Variants in NRXN1 observed in about 807,000 individuals in gnomAD.
NRXN1 encodes the protein neurexin 1.
Under a neutral mutation model 150.9 loss-of-function variants are expected in NRXN1, and 39 were observed. That is an observed-to-expected ratio of 0.26 (90% CI 0.20 to 0.34). The LOEUF (loss-of-function observed/expected upper bound fraction) is 0.34. Ranked by LOEUF, NRXN1 falls within the 10% of genes least tolerant of loss-of-function variation. The probability of loss-of-function intolerance (pLI) is 1.00; values close to 1 mark genes in which losing one functional copy is unlikely to be tolerated. For synonymous variants in NRXN1, 924 were observed against 757.0 expected (o/e 1.22, Z -3.62); for missense variants, 1,815 against 1,949.9 (o/e 0.93, Z 1.30).
intron 2 of NRXN1, among the ~76,000 whole-genome samples, chr2:50,945,537 T>C (rs1690217196): frequency 7.1e-6 from 1 of 140,548 alleles, no homozygotes; most frequent in Non-Finnish European, 1.5e-5. Context: ...TATATATATA[T>C]GGCTATGTTG....
chr2:49,951,947 T>TCCCAACAA, intron 21 of NRXN1, among the ~76,000 whole-genome samples: 1 of 152,134 alleles, frequency 6.6e-6, no homozygotes, highest in Admixed American at 6.6e-5. Flanking sequence ...CTTTCATTGT[T>TCCCAACAA]GCCATGTTAG....
intron 18 of NRXN1, among the ~76,000 whole-genome samples, chr2:50,198,915 T>A (rs1359713445): frequency 2.0e-5 from 3 of 152,114 alleles, no homozygotes; most frequent in Non-Finnish European, 4.4e-5. Context: ...GGCCTAATTT[T>A]GTCCCCAGAG....
At chr2:50,865,580 A>ATGTGTG (rs112867077) in intron 5 of NRXN1, among the ~76,000 whole-genome samples, 4,197 of 130,712 alleles carry the variant, frequency 0.032, 87 homozygotes, top group Admixed American at 0.05. Flanking sequence ...AAATATATAA[A>ATGTGTG]TGTGTGTGTG....
Position 50,294,382 on chromosome 2 carries a change from G to C in NRXN1, c.3365-57412C>G, listed in dbSNP as rs570480591. ...AGTATCTGAAAACAGTAACAACAGA[G>C]ACATTTATAGATTTATGATACTTTG... is the stretch of plus-strand genomic sequence containing the variant. On this transcript the variant is annotated intron_variant, in intron 17 of 22. Coordinates refer to ENST00000401669, the MANE Select transcript of NRXN1 (RefSeq NM_001330078.2). 4.2e-4 allele frequency among the ~76,000 whole-genome samples: 64 copies of C among 152,114 alleles called. No homozygotes were observed. In the South Asian group the frequency reaches 6.4e-3, roughly 15 times the overall value.
intron 21 of NRXN1, among the ~76,000 whole-genome samples, chr2:49,978,138 G>T (rs957211670): frequency 1.2e-4 from 18 of 152,134 alleles, no homozygotes; most frequent in African/African-American, 4.1e-4. Context: ...CTCCAGCCTG[G>T]TGACAGAGCG....
At chr2:50,886,900 C>T (rs916680115) in intron 5 of NRXN1, among the ~76,000 whole-genome samples, 4 of 151,278 alleles carry the variant, frequency 2.6e-5, no homozygotes, top group Non-Finnish European at 5.9e-5. Flanking sequence ...AATTCATAAA[C>T]GTGTTTCTCA....
rs182668235 is a variant in NRXN1, at chr2:50,061,649, C to A, written c.3719-6605G>T. On this transcript the variant is annotated intron_variant, in intron 19 of 22. Transcript: ENST00000401669. The stretch of plus-strand genomic sequence containing the variant: ...CTAAAAGCATAAAACTCTACTATAG[C>A]AACATGCTGAGCAAATAGGCTTGAT... Among the ~76,000 whole-genome samples, 220 of 152,302 alleles carry A rather than the reference C, an allele frequency of 1.4e-3. 3 individuals carry two copies. Among genetic ancestry groups the A allele is most frequent in the Admixed American group, 2.9e-3 (45 of 15,298 alleles).
chr2:50,851,279 G>C (rs1674482520), intron 5 of NRXN1, among the ~76,000 whole-genome samples: 1 of 152,052 alleles, frequency 6.6e-6, no homozygotes, highest in South Asian at 2.1e-4. Flanking sequence ...CTGGTTTCAA[G>C]GTAGGTTTCT....
chr2:50,657,512 T>C lies in NRXN1; in HGVS notation c.833-33897A>G, dbSNP rs1193217775. Among the ~76,000 whole-genome samples, 5 of 152,050 alleles carry C rather than the reference T, an allele frequency of 3.3e-5. No homozygotes were observed. In the East Asian group the frequency reaches 7.8e-4, roughly 24 times the overall value. On this transcript the variant is annotated intron_variant, in intron 5 of 22. Transcript: ENST00000401669. ...ATCTTCATTTTTTGTTTGTTTGGTA[T>C]ACCCAGGGCCCAGAATGATGCCATA...
intron 18 of NRXN1, among the ~76,000 whole-genome samples, chr2:50,229,753 T>C (rs1235382234): frequency 6.6e-6 from 1 of 152,100 alleles, no homozygotes; most frequent in East Asian, 1.9e-4. Flanking sequence ...ACATTATAAA[T>C]TGCATTATAG....
At chr2:50,635,571 G>C (rs1384800318) in intron 5 of NRXN1, among the ~76,000 whole-genome samples, 1 of 152,178 alleles carries the variant, frequency 6.6e-6, no homozygotes, top group East Asian at 1.9e-4. Context: ...TGCATACAAA[G>C]TCATGCATTG....
chr2:50,877,725 C>G (rs1350076871), intron 5 of NRXN1, among the ~76,000 whole-genome samples: 1 of 151,836 alleles, frequency 6.6e-6, no homozygotes, highest in Non-Finnish European at 1.5e-5. Flanking sequence ...TTAATACATA[C>G]TGGTGAACTG....
chr2:50,587,764 A>G (rs953623677), intron 8 of NRXN1, among the ~76,000 whole-genome samples: 1 of 152,174 alleles, frequency 6.6e-6, no homozygotes, highest in Non-Finnish European at 1.5e-5. Context: ...ATACATATAT[A>G]TGTCTCAATT....
chr2:50,201,137 C>T (rs1239136678), intron 18 of NRXN1, among the ~76,000 whole-genome samples: 2 of 152,020 alleles, frequency 1.3e-5, no homozygotes, highest in Admixed American at 6.6e-5. Flanking sequence ...TTACTCTATC[C>T]AAGGCACCGT....
intron 5 of NRXN1, among the ~76,000 whole-genome samples, chr2:50,889,560 G>C (rs777327795): frequency 6.6e-6 from 1 of 151,496 alleles, no homozygotes; most frequent in Non-Finnish European, 1.5e-5. Context: ...AAGAGGTTGT[G>C]GTATAACGTG....
At chr2:50,191,772 T>C (rs1436548718) in intron 18 of NRXN1, among the ~76,000 whole-genome samples, 1 of 152,222 alleles carries the variant, frequency 6.6e-6, no homozygotes, top group African/African-American at 2.4e-5. Flanking sequence ...TATTCCTTTT[T>C]ATTGTTGCAT....
intron 5 of NRXN1, among the ~76,000 whole-genome samples, chr2:50,747,299 G>A (rs890660253): frequency 3.9e-5 from 6 of 152,096 alleles, no homozygotes; most frequent in Admixed American, 1.3e-4. Flanking sequence ...TTCTTGACCC[G>A]TGAGACAGGA....
intron 18 of NRXN1, among the ~76,000 whole-genome samples, chr2:50,183,430 T>C (rs984704903): frequency 6.6e-6 from 1 of 152,020 alleles, no homozygotes; most frequent in Admixed American, 6.6e-5. Flanking sequence ...TTGGGGAGTT[T>C]TTTTTTAAAC....
chr2:50,653,404 G>C (rs1559078527), intron 5 of NRXN1, among the ~76,000 whole-genome samples: 7 of 151,932 alleles, frequency 4.6e-5, no homozygotes, highest in Admixed American at 3.9e-4. Flanking sequence ...TCTCTTAATG[G>C]CTGGAGGTTT....
Sources: allele counts gnomAD v4.1 joint callset (sites outside exome capture counted in the v4.1 genomes callset), GRCh38; gene constraint gnomAD v4.1.1; transcripts MANE v1.5; gene names NCBI Gene and HGNC (gene_info 2026-07-23, HGNC 2026-07-21).